NAALADL2: variants seen among roughly 807,000 people sequenced by gnomAD.
NAALADL2 encodes inactive N-acetylated-alpha-linked acidic dipeptidase-like protein 2.
NAALADL2 carries 76 observed loss-of-function variants against 87.2 expected under a neutral mutation model. That is an observed-to-expected ratio of 0.87 (90% CI 0.72 to 1.05). The LOEUF (loss-of-function observed/expected upper bound fraction) is 1.05, where lower values mean the gene tolerates loss of function less well. Among genes scored for constraint, NAALADL2 ranks in the 50% least tolerant of loss-of-function variants. NAALADL2 has a pLI of 0.00. For missense variants in NAALADL2, 1,089 were observed against 945.8 expected (o/e 1.15, Z -1.99); for synonymous variants, 354 against 331.0 (o/e 1.07, Z -0.75).
Position 175,803,081 on chromosome 3 carries a change from C to A in NAALADL2, c.2266C>A (p.Leu756Ile). Residue 756 changes from leucine to isoleucine, a missense_variant, in exon 14 of 14, where the codon CTT becomes ATT. Leu to Ile is a conservative substitution (Grantham distance 5, BLOSUM62 2). Coordinates refer to ENST00000454872, the MANE Select transcript of NAALADL2 (RefSeq NM_207015.3). ...LIEAWEHCKP[L>I]ASNETLQEAL... ...AGAGGCTTGGGAACACTGCAAACCC[C>A]TTGCATCAAATGAGACCCTTCAAGA... 6.2e-7 allele frequency: 1 copy of A among 1,612,400 alleles called. No individual in the cohort carries two copies. Among genetic ancestry groups the A allele is most frequent in the South Asian group, 1.1e-5 (1 of 91,034 alleles).
At chr3:174,589,296 A>G (rs967967494) in intron 2 of NAALADL2, among the ~76,000 whole-genome samples, 1 of 152,194 alleles carries the variant, frequency 6.6e-6, no homozygotes, top group Admixed American at 6.5e-5. Flanking sequence ...TTGGCTAGGA[A>G]AGGGAATTCC....
chr3:175,269,096 G>A (rs1179649352), intron 4 of NAALADL2, among the ~76,000 whole-genome samples: 1 of 151,042 alleles, frequency 6.6e-6, no homozygotes, highest in Non-Finnish European at 1.5e-5. Context: ...GTGCCACCAT[G>A]CCTGACTAAT....
intron 11 of NAALADL2, among the ~76,000 whole-genome samples, chr3:175,724,702 A>G (rs1418252782): frequency 6.6e-6 from 1 of 152,064 alleles, no homozygotes; most frequent in Non-Finnish European, 1.5e-5. Flanking sequence ...TTCCATTCCC[A>G]TATCTCTACC....
In NAALADL2 at chr3:175,324,273, G is replaced by A; in HGVS notation, c.1038G>A (p.Met346Ile). Residue 346 changes from methionine to isoleucine, a missense_variant, in exon 5 of 14, where the codon ATG (methionine) becomes ATA (isoleucine). Transcript: ENST00000454872. ...TGAATCCTAGCCATGATACCTTCATGGTGTCACTGAATCCAGGAGGAGACC... is the reference window on the plus strand; with the variant it reads ...TGAATCCTAGCCATGATACCTTCATAGTGTCACTGAATCCAGGAGGAGACC... ...KTVNPSHDTF[M>I]VSLNPGGDPS... 6.2e-7 allele frequency: 1 copy of A among 1,613,614 alleles called. No individual in the cohort carries two copies. Among genetic ancestry groups the A allele is most frequent in the Non-Finnish European group, 8.5e-7 (1 of 1,179,724 alleles).
chr3:175,382,301 G>C (rs1329718093), intron 5 of NAALADL2, among the ~76,000 whole-genome samples: 1 of 152,028 alleles, frequency 6.6e-6, no homozygotes, highest in Non-Finnish European at 1.5e-5. Context: ...ATTTTGAAGG[G>C]TAAACACATG....
chr3:175,024,617 G>A (rs1421946825), intron 1 of NAALADL2, among the ~76,000 whole-genome samples: 2 of 152,058 alleles, frequency 1.3e-5, no homozygotes, highest in African/African-American at 2.4e-5. Flanking sequence ...ATTATTGTAT[G>A]CATTATAGTG....
At chr3:175,787,530 TGC>T (rs1282121731) in intron 13 of NAALADL2, among the ~76,000 whole-genome samples, 2 of 152,224 alleles carry the variant, frequency 1.3e-5, no homozygotes, top group East Asian at 3.9e-4. Context: ...CCTGACCCCT[TGC>T]GCTTCCCAAG....
At chr3:175,098,049 C>A (rs1354628662) in intron 2 of NAALADL2, among the ~76,000 whole-genome samples, 1 of 152,086 alleles carries the variant, frequency 6.6e-6, no homozygotes, top group Non-Finnish European at 1.5e-5. Flanking sequence ...GAAGATGTGT[C>A]ACTTAATTCA....
chr3:175,792,369 T>C (rs1365904017), intron 13 of NAALADL2, among the ~76,000 whole-genome samples: 1 of 152,220 alleles, frequency 6.6e-6, no homozygotes, highest in Non-Finnish European at 1.5e-5. Flanking sequence ...TACCTCAAGC[T>C]TTGTGATCAA....
intron 9 of NAALADL2, among the ~76,000 whole-genome samples, chr3:175,500,784 G>T (rs12485463): frequency 0.12 from 18,566 of 152,042 alleles, 1,398 homozygotes; most frequent in East Asian, 0.24. Context: ...TAGCTAAAAA[G>T]TGGCAGATCC....
chr3:175,720,798 C>T (rs1742132444), intron 11 of NAALADL2, among the ~76,000 whole-genome samples: 1 of 151,908 alleles, frequency 6.6e-6, no homozygotes, highest in African/African-American at 2.4e-5. Context: ...TAATTTGCAA[C>T]CTAGAATTCT....
chr3:175,183,132 T>A (rs1459638317), intron 2 of NAALADL2, among the ~76,000 whole-genome samples: 1 of 152,078 alleles, frequency 6.6e-6, no homozygotes, highest in Non-Finnish European at 1.5e-5. Context: ...GCTTTGGGTA[T>A]TATGAACATT....
intron 5 of NAALADL2, among the ~76,000 whole-genome samples, chr3:175,397,715 A>G (rs1476427800): frequency 6.6e-6 from 1 of 152,132 alleles, no homozygotes; most frequent in East Asian, 1.9e-4. Flanking sequence ...TTGTTGTAAT[A>G]TATGCACTTC....
At chr3:175,065,404 G>T (rs186806093) in intron 1 of NAALADL2, among the ~76,000 whole-genome samples, 1 of 152,294 alleles carries the variant, frequency 6.6e-6, no homozygotes, top group East Asian at 1.9e-4. Flanking sequence ...AAAAAACAAA[G>T]TGAGCTGATT....
chr3:174,537,981 A>AT (rs1269656970), intron 1 of NAALADL2, among the ~76,000 whole-genome samples: 3 of 150,568 alleles, frequency 2.0e-5, no homozygotes, highest in Non-Finnish European at 4.4e-5. Flanking sequence ...AATTTCCTTG[A>AT]TTCCCCAGGA....
chr3:175,391,230 G>A (rs530346214), intron 5 of NAALADL2, among the ~76,000 whole-genome samples: 47 of 152,262 alleles, frequency 3.1e-4, no homozygotes, highest in African/African-American at 9.6e-4. Context: ...ACCTCATGTT[G>A]GGATTATTTA....
chr3:175,707,587 C>T (rs1025046677), intron 11 of NAALADL2, among the ~76,000 whole-genome samples: 1 of 152,022 alleles, frequency 6.6e-6, no homozygotes, highest in Non-Finnish European at 1.5e-5. Flanking sequence ...ACATAGCAAG[C>T]GATTGCAAAA....
chr3:175,173,721 A>G (rs1282061354), intron 2 of NAALADL2, among the ~76,000 whole-genome samples: 1 of 152,170 alleles, frequency 6.6e-6, no homozygotes, highest in Non-Finnish European at 1.5e-5. Context: ...TCCTTTTATT[A>G]ATTGCATTCA....
At chr3:175,597,830 TAGA>T (rs1401700320) in intron 10 of NAALADL2, among the ~76,000 whole-genome samples, 1 of 152,050 alleles carries the variant, frequency 6.6e-6, no homozygotes, top group African/African-American at 2.4e-5. Flanking sequence ...TATATTTATC[TAGA>T]ATTAGAGTTT....
Sources: allele counts gnomAD v4.1 joint callset (sites outside exome capture counted in the v4.1 genomes callset), GRCh38; gene constraint gnomAD v4.1.1; transcripts MANE v1.5; gene names NCBI Gene and HGNC (gene_info 2026-07-23, HGNC 2026-07-21).